Variants in STPG3 observed in about 807,000 individuals in gnomAD.
The protein encoded by STPG3 is protein STPG3.
Under a neutral mutation model 32.5 loss-of-function variants are expected in STPG3, and 39 were observed. That is an observed-to-expected ratio of 1.20 (90% CI 0.93 to 1.57). The LOEUF is 1.57. Among genes scored for constraint, STPG3 ranks in the 40% most tolerant of loss-of-function variants. The pLI is 0.00. For missense variants in STPG3, 507 were observed against 407.6 expected, an observed-to-expected ratio of 1.24 and a Z score of -2.10; for synonymous variants, 209 against 172.4, an observed-to-expected ratio of 1.21 and a Z score of -1.66.
At position 137,252,973 on chromosome 9, in the gene STPG3, G is replaced by A. The variant is rs1476885308; in HGVS notation, c.796+8G>A. Reference sequence around the variant, plus strand: ...CCTCCTGGCTCAGCACCTGTAAGGAGGCCTGGAGAGAAGAGGGCTAGGGAT... The same window carrying A: ...CCTCCTGGCTCAGCACCTGTAAGGAAGCCTGGAGAGAAGAGGGCTAGGGAT... On this transcript the variant is annotated splice_region_variant and intron_variant, in intron 5 of 5. Coordinates refer to ENST00000412566, the MANE Select transcript of STPG3 (RefSeq NM_001004353.4). 3 of 1,589,918 alleles carry A rather than the reference G, an allele frequency of 1.9e-6. No individual in the cohort carries two copies. The highest frequency in any genetic ancestry group is 1.7e-5 in the Admixed American group (1 of 57,500).
Position 137,252,056 on chromosome 9 carries a change from G to A in STPG3, c.324G>A (p.Arg108=), listed in dbSNP as rs775732219. The part of the protein sequence containing the change: ...TADLEVPSPT[R]YQVPSPSVRE... The stretch of plus-strand genomic sequence containing the variant: ...ACCTGGAAGTCCCCAGCCCCACCAG[G>A]TACCAGGTGCCGAGCCCGTCCGTAC... The change falls in exon 3 of 6, where the codon AGG becomes AGA. Residue 108 remains arginine (R), a synonymous_variant. Coordinates refer to ENST00000412566, the MANE Select transcript of STPG3 (RefSeq NM_001004353.4). 33 of 1,613,124 alleles carry A rather than the reference G, an allele frequency of 2.0e-5. No individual in the cohort carries two copies. Among genetic ancestry groups the A allele is most frequent in the Admixed American group, 3.3e-5 (2 of 59,998 alleles).
rs1287579364 is a variant in STPG3 at position 137,252,701 on chromosome 9, G to T, written c.532G>T (p.Ala178Ser). ...CCACTACCAGCTGCTCAGCCGGCCC[G>T]CCTTCCCCGCCTTCAGCTTCAGAGG... Reference protein sequence around the residue: ...PAHYQLLSRPAFPAFSFRGCH... With the variant: ...PAHYQLLSRPSFPAFSFRGCH... Residue 178 changes from alanine (A) to serine (S), a missense_variant, in exon 5 of 6, where the codon GCC becomes TCC. Ala to Ser is a moderately conservative substitution (Grantham distance 99, BLOSUM62 1). Coordinates refer to ENST00000412566, the MANE Select transcript of STPG3 (RefSeq NM_001004353.4). 2 of 1,551,662 alleles carry T rather than the reference G, an allele frequency of 1.3e-6. No homozygotes were observed. The highest frequency in any genetic ancestry group is 2.4e-5 in the East Asian group (1 of 41,040).
rs745398557 is a variant in STPG3, at chr9:137,251,286, G to C, written c.-1G>C. 17 of 1,603,734 alleles carry C rather than the reference G, an allele frequency of 1.1e-5. No individual in the cohort carries two copies. The highest frequency in any genetic ancestry group is 1.5e-5 in the Non-Finnish European group (17 of 1,170,650). On this transcript the variant is annotated 5_prime_UTR_variant, in exon 1 of 6. Transcript: ENST00000412566. ...TTGGGGAAGAGAGCCAGGAGACTCTGATGATGAATTCTGACCAGAAGGCAG... is the reference window on the plus strand; with the variant it reads ...TTGGGGAAGAGAGCCAGGAGACTCTCATGATGAATTCTGACCAGAAGGCAG...
chr9:137,251,847 A>T lies in STPG3; in HGVS notation c.220A>T (p.Thr74Ser). Residue 74 changes from threonine to serine, a missense_variant, in exon 2 of 6, where the codon ACC becomes TCC. Coordinates refer to ENST00000412566, the MANE Select transcript of STPG3 (RefSeq NM_001004353.4). ...AGTTGGCCTCAGGTTACAGACGGGCACCCCCCAGGAGTCCCTGCCCACCTA... is the reference window on the plus strand; with the variant it reads ...AGTTGGCCTCAGGTTACAGACGGGCTCCCCCCAGGAGTCCCTGCCCACCTA... The part of the protein sequence containing the change: ...IPVGLRLQTG[T>S]PQESLPTYTQ... 6.2e-7 allele frequency: 1 copy of T among 1,607,060 alleles called. No individual in the cohort carries two copies. Among genetic ancestry groups the T allele is most frequent in the Non-Finnish European group, 8.5e-7 (1 of 1,176,980 alleles).
Position 137,252,525 on chromosome 9 carries a change from G to T in STPG3, c.492G>T (p.Lys164Asn), listed in dbSNP as rs1336352150. ...AAGCTGACTTCGACCAAGAGCAAAA[G>T]GTTGGGGGCTGGGCAGGAAGGGGGC... is the stretch of plus-strand genomic sequence containing the variant. ...TQKADFDQEQ[K>N]WPSPAHYQLL... The change falls in exon 4 of 6, where the codon AAG (lysine) becomes AAT (asparagine). Residue 164 changes from lysine to asparagine, a missense_variant and splice_region_variant. By Grantham distance (94) the Lys-to-Asn change is moderately conservative. Coordinates refer to ENST00000412566, the MANE Select transcript of STPG3 (RefSeq NM_001004353.4). 1 of 1,597,074 alleles carries T rather than the reference G, an allele frequency of 6.3e-7. No homozygotes were observed. The highest frequency in any genetic ancestry group is 1.7e-5 in the Admixed American group (1 of 57,644).
Position 137,252,916 on chromosome 9 carries a change from G to A in STPG3, c.747G>A (p.Pro249=), listed in dbSNP as rs745460939. 4.9e-5 allele frequency: 79 copies of A among 1,599,370 alleles called. 1 individual carries two copies. The highest frequency in any genetic ancestry group is 1.6e-4 in the Middle Eastern group (1 of 6,070). ...PGSRLQSPRS[P]AFSMSRSPAF... ...GCCGCCTGCAGAGCCCCCGCTCGCCGGCCTTCTCGATGAGCCGCTCCCCTG... is the reference window on the plus strand; with the variant it reads ...GCCGCCTGCAGAGCCCCCGCTCGCCAGCCTTCTCGATGAGCCGCTCCCCTG... The change falls in exon 5 of 6, where the codon CCG becomes CCA. Residue 249 remains proline, a synonymous_variant. Coordinates refer to ENST00000412566, the MANE Select transcript of STPG3 (RefSeq NM_001004353.4).
intron 1 of STPG3, among the ~76,000 whole-genome samples, 166 bp downstream of exon 1, chr9:137,251,562 G>A (rs1359061663): frequency 2.0e-5 from 3 of 151,342 alleles, no homozygotes; most frequent in Non-Finnish European, 3.0e-5. Context: ...CTGAGGGACA[G>A]TAGAGGGGAC....
chr9:137,252,279 G>A (rs1035360887), intron 3 of STPG3, 144 bp downstream of exon 3: 29 of 1,341,454 alleles, frequency 2.2e-5, no homozygotes, highest in African/African-American at 1.6e-4. Context: ...GCACCTGTAA[G>A]GAGGCCTGGA....
In STPG3 at chr9:137,252,114, G is replaced by C; in HGVS notation, c.382G>C (p.Gly128Arg). Residue 128 changes from glycine to arginine, a missense_variant, in exon 3 of 6, where the codon GGC (glycine) becomes CGC (arginine). Gly to Arg is a moderately radical substitution (Grantham distance 125). Coordinates refer to ENST00000412566, the MANE Select transcript of STPG3 (RefSeq NM_001004353.4). Reference sequence around the variant, plus strand: ...CTCCCCACACCCCCACTACAGCATCGGCTGCAAGCACCAGGGCCGAGGTGT... The same window carrying C: ...CTCCCCACACCCCCACTACAGCATCCGCTGCAAGCACCAGGGCCGAGGTGT... ...ESSPHPHYSI[G>R]CKHQGREGGG... is the part of the protein sequence containing the mutation. 4.3e-6 allele frequency: 7 copies of C among 1,611,468 alleles called. No individual in the cohort carries two copies. Among genetic ancestry groups the C allele is most frequent in the Non-Finnish European group, 5.9e-6 (7 of 1,179,612 alleles).
chr9:137,252,078 G>A lies in STPG3; in HGVS notation c.346G>A (p.Val116Ile), dbSNP rs760591785. ...CAGGTACCAGGTGCCGAGCCCGTCC[G>A]TACGAGAGTCCTCCCCACACCCCCA... ...PTRYQVPSPS[V>I]RESSPHPHYS... Residue 116 changes from valine to isoleucine, a missense_variant, in exon 3 of 6, where the codon GTA (valine) becomes ATA (isoleucine). By Grantham distance (29) the Val-to-Ile change is conservative. Coordinates refer to ENST00000412566, the MANE Select transcript of STPG3 (RefSeq NM_001004353.4). 7.4e-6 allele frequency: 12 copies of A among 1,612,714 alleles called. No individual in the cohort carries two copies. The highest frequency in any genetic ancestry group is 6.7e-5 in the Admixed American group (4 of 60,004).
chr9:137,252,716 A>G lies in STPG3; in HGVS notation c.547A>G (p.Ser183Gly). Residue 183 changes from serine (S) to glycine (G), a missense_variant, in exon 5 of 6, where the codon AGC (serine) becomes GGC (glycine). Ser to Gly is a moderately conservative substitution (Grantham distance 56, BLOSUM62 0). Transcript: ENST00000412566. ...CAGCCGGCCCGCCTTCCCCGCCTTC[A>G]GCTTCAGAGGCTGCCACTCCGCTTC... is the stretch of plus-strand genomic sequence containing the variant. ...LLSRPAFPAFSFRGCHSASKT... is the reference protein window; with the variant it reads ...LLSRPAFPAFGFRGCHSASKT... The G allele has an allele frequency of 6.4e-7, 1 of 1,553,776 alleles. No homozygotes were observed.
Position 137,253,117 on chromosome 9 carries a change from C to G in STPG3, c.799C>G (p.Arg267Gly). The change falls in exon 6 of 6, where the codon CGA (arginine) becomes GGA (glycine). Residue 267 changes from arginine to glycine, a missense_variant and splice_region_variant. Physicochemically the swap from Arg to Gly is moderately radical, Grantham distance 125 (BLOSUM62 -2). Transcript: ENST00000412566. ...PAFTSWLSTS[R>G]TPGPAAYHVE... is the part of the protein sequence containing the mutation. ...CTCCCAGCCTTCTCTTTCGGCAGCC[C>G]GAACCCCTGGCCCAGCCGCCTACCA... The G allele has an allele frequency of 6.4e-7, 1 of 1,564,626 alleles. No individual in the cohort carries two copies. Among genetic ancestry groups the G allele is most frequent in the Non-Finnish European group, 8.7e-7 (1 of 1,151,824 alleles).
Position 137,252,099 on chromosome 9 carries a change from C to T in STPG3, c.367C>T (p.Pro123Ser), listed in dbSNP as rs1280810271. 2.5e-6 allele frequency: 4 copies of T among 1,612,386 alleles called. No homozygotes were observed. The South Asian group carries it at 3.3e-5, about 13-fold the overall frequency. The change falls in exon 3 of 6, where the codon CCC becomes TCC. Residue 123 changes from proline (P) to serine (S), a missense_variant. Pro to Ser is a moderately conservative substitution (Grantham distance 74). Transcript: ENST00000412566. ...SPSVRESSPH[P>S]HYSIGCKHQG... is the part of the protein sequence containing the mutation. ...GTCCGTACGAGAGTCCTCCCCACAC[C>T]CCCACTACAGCATCGGCTGCAAGCA...
In STPG3 at chr9:137,253,372, T is replaced by C; in HGVS notation, c.*127T>C. Reference sequence around the variant, plus strand: ...CCTTCTGACCCTCTGGGCACCCCGATGCACCCTTCTGGCTGGCCAACCCTT... The same window carrying C: ...CCTTCTGACCCTCTGGGCACCCCGACGCACCCTTCTGGCTGGCCAACCCTT... On this transcript the variant is annotated 3_prime_UTR_variant, in exon 6 of 6. Coordinates refer to ENST00000412566, the MANE Select transcript of STPG3 (RefSeq NM_001004353.4). 6.6e-7 allele frequency: 1 copy of C among 1,522,974 alleles called. No individual in the cohort carries two copies. The highest frequency in any genetic ancestry group is 8.8e-7 in the Non-Finnish European group (1 of 1,140,458). The allele number at this position is 1,522,974 out of a possible 1,614,324, so 94.3% of individuals were successfully genotyped here. A position where few individuals can be genotyped will look rare whatever the true frequency, so the allele number is the denominator to read the frequency against.
rs757734909 is a variant in STPG3, at chr9:137,253,117, C to T, written c.799C>T (p.Arg267Ter). 39 of 1,564,508 alleles carry T rather than the reference C, an allele frequency of 2.5e-5. No homozygotes were observed. The highest frequency in any genetic ancestry group is 1.6e-4 in the African/African-American group (12 of 73,706). The change falls in exon 6 of 6, where the codon CGA becomes TGA. Residue 267 changes from arginine (R) to a stop codon, truncating the protein, a stop_gained and splice_region_variant. Transcript: ENST00000412566. LOFTEE classifies it high-confidence loss of function. The part of the protein sequence containing the change: ...PAFTSWLSTS[R>*]TPGPAAYHVE... ...CTCCCAGCCTTCTCTTTCGGCAGCC[C>T]GAACCCCTGGCCCAGCCGCCTACCA...
rs1837302306 is a variant in STPG3 at position 137,251,391 on chromosome 9, C to T, written c.105C>T (p.Pro35=). The change falls in exon 1 of 6, where the codon CCC becomes CCT. Residue 35 remains proline, a synonymous_variant. Transcript: ENST00000412566. ...ACCTGAGGCAGACACAACCAGAGCCCACCCAGTAACTGGCGGAGAGGGGGA... is the reference window on the plus strand; with the variant it reads ...ACCTGAGGCAGACACAACCAGAGCCTACCCAGTAACTGGCGGAGAGGGGGA... The part of the protein sequence containing the change: ...HGHLRQTQPE[P]TQPKASVLLL... 1 of 1,609,730 alleles carries T rather than the reference C, an allele frequency of 6.2e-7. No individual in the cohort carries two copies. Among genetic ancestry groups the T allele is most frequent in the South Asian group, 1.1e-5 (1 of 90,910 alleles).
rs996508564 is a variant in STPG3, at chr9:137,251,378, C to A, written c.92C>A (p.Thr31Lys). 1 of 1,612,780 alleles carries A rather than the reference C, an allele frequency of 6.2e-7. No individual in the cohort carries two copies. The highest frequency in any genetic ancestry group is 8.5e-7 in the Non-Finnish European group (1 of 1,179,190). Residue 31 changes from threonine (T) to lysine (K), a missense_variant, in exon 1 of 6, where the codon ACA becomes AAA. Coordinates refer to ENST00000412566, the MANE Select transcript of STPG3 (RefSeq NM_001004353.4). ...KHWTHGHLRQ[T>K]QPEPTQPKAS... Reference sequence around the variant, plus strand: ...TGGACCCATGGTCACCTGAGGCAGACACAACCAGAGCCCACCCAGTAACTG... The same window carrying A: ...TGGACCCATGGTCACCTGAGGCAGAAACAACCAGAGCCCACCCAGTAACTG...
At chr9:137,251,467 G>A in intron 1 of STPG3, 71 bp downstream of exon 1, 1 of 1,261,760 alleles carries the variant, frequency 7.9e-7, no homozygotes, top group Non-Finnish European at 1.1e-6. Flanking sequence ...ACAGTGTGGG[G>A]GGCAGGTTGC....
Position 137,251,719 on chromosome 9 carries a change from C to T in STPG3, c.111-19C>T. On this transcript the variant is annotated intron_variant, in intron 1 of 5. Transcript: ENST00000412566. ...GAGCGGCCGGGGGCTGAGACAGTGG[C>T]TGCTGGTCTCCCTTGCAGGCCCAAG... 1 of 1,554,594 alleles carries T rather than the reference C, an allele frequency of 6.4e-7. No individual in the cohort carries two copies. The highest frequency in any genetic ancestry group is 8.7e-7 in the Non-Finnish European group (1 of 1,150,520).
Sources: gnomAD v4.1 joint callset for allele counts (sites outside exome capture counted in the v4.1 genomes callset) on GRCh38, gnomAD v4.1.1 for gene constraint, MANE v1.5 for transcripts, NCBI Gene and HGNC (gene_info 2026-07-23, HGNC 2026-07-21) for gene names.